The following FUT9 variants were observed in gnomAD, a reference collection of about 807,000 sequenced individuals.
FUT9 encodes 4-galactosyl-N-acetylglucosaminide 3-alpha-L-fucosyltransferase 9.
Under a neutral mutation model 29.7 loss-of-function variants are expected in FUT9, and 15 were observed. The observed-to-expected ratio is 0.51, with a 90% confidence interval of 0.34 to 0.78. FUT9 has a LOEUF of 0.78. Among genes scored for constraint, FUT9 ranks in the 30% least tolerant of loss-of-function variants. FUT9 has a pLI of 0.01. For missense variants in FUT9, 319 were observed against 425.4 expected (o/e 0.75, Z 2.20); for synonymous variants, 169 against 153.7 (o/e 1.10, Z -0.74).
intron 2 of FUT9, among the ~76,000 whole-genome samples, chr6:96,120,087 C>G (rs1771993352): frequency 6.6e-6 from 1 of 151,982 alleles, no homozygotes; most frequent in South Asian, 2.1e-4. Context: ...ATTATCAAAT[C>G]TATTTGAATT....
chr6:96,018,187 C>A lies in FUT9; in HGVS notation c.-98+1975C>A, dbSNP rs549366496. On this transcript the variant is annotated intron_variant, in intron 1 of 2. Coordinates refer to ENST00000302103, the MANE Select transcript of FUT9 (RefSeq NM_006581.4). ...GACTGAGAACATTCAAAGCTGTTCT[C>A]ATTTGGGTAACATTAGGGTGACTAC... is the stretch of plus-strand genomic sequence containing the variant. Among the ~76,000 whole-genome samples the A allele has an allele frequency of 6.7e-5, 10 of 150,368 alleles. No individual in the cohort carries two copies. In the South Asian group the frequency reaches 2.1e-3, roughly 31 times the overall value.
At chr6:96,149,170 A>AT (rs11403306) in intron 2 of FUT9, among the ~76,000 whole-genome samples, 132,156 of 150,138 alleles carry the variant, frequency 0.88, 59,896 homozygotes, top group Non-Finnish European at 0.98. Flanking sequence ...AAAAAAAAAA[A>AT]TTTTTTTTGA....
At chr6:96,112,740 A>T (rs1228656393) in intron 1 of FUT9, among the ~76,000 whole-genome samples, 1 of 152,212 alleles carries the variant, frequency 6.6e-6, no homozygotes, top group African/African-American at 2.4e-5. Context: ...TAAGTGTAAG[A>T]AGCCCCTTGG....
chr6:96,134,102 T>C (rs1562137557), intron 2 of FUT9, among the ~76,000 whole-genome samples: 2 of 151,772 alleles, frequency 1.3e-5, no homozygotes, highest in South Asian at 2.1e-4. Flanking sequence ...AGAAGATATG[T>C]GAACAAATAG....
chr6:96,055,766 A>C (rs1770754974), intron 1 of FUT9, among the ~76,000 whole-genome samples: 1 of 149,788 alleles, frequency 6.7e-6, no homozygotes, highest in Non-Finnish European at 1.5e-5. Flanking sequence ...GATAGTCTCA[A>C]ACTCCAGGCC....
intron 1 of FUT9, among the ~76,000 whole-genome samples, chr6:96,084,859 A>G (rs191716754): frequency 6.6e-6 from 1 of 152,146 alleles, no homozygotes; most frequent in Non-Finnish European, 1.5e-5. Flanking sequence ...CCCTGTTTAT[A>G]TATATAACCC....
chr6:96,183,020 T>C (rs1773338194), intron 2 of FUT9, among the ~76,000 whole-genome samples: 1 of 152,108 alleles, frequency 6.6e-6, no homozygotes, highest in African/African-American at 2.4e-5. Context: ...ATTTTTAAAT[T>C]GTTTTTGGCA....
chr6:96,084,655 G>C (rs1475984073), intron 1 of FUT9, among the ~76,000 whole-genome samples: 1 of 152,068 alleles, frequency 6.6e-6, no homozygotes, highest in Non-Finnish European at 1.5e-5. Context: ...AGCTGTATAT[G>C]AGCCATAAAA....
chr6:96,047,353 C>T (rs1423475797), intron 1 of FUT9, among the ~76,000 whole-genome samples: 1 of 152,160 alleles, frequency 6.6e-6, no homozygotes, highest in Non-Finnish European at 1.5e-5. Context: ...GCCTCTGCTT[C>T]TAGGTATACA....
chr6:96,088,689 A>C (rs1771362460), intron 1 of FUT9, among the ~76,000 whole-genome samples: 1 of 152,116 alleles, frequency 6.6e-6, no homozygotes, highest in South Asian at 2.1e-4. Context: ...AATTTCATAA[A>C]TTATAGTTTT....
intron 1 of FUT9, among the ~76,000 whole-genome samples, chr6:96,041,982 A>G (rs1436664108): frequency 2.0e-5 from 3 of 152,144 alleles, no homozygotes; most frequent in African/African-American, 7.2e-5. Context: ...TTTCTCCTGA[A>G]CTTTATCATC....
chr6:96,210,475 T>G lies in FUT9; in HGVS notation c.*6240T>G, dbSNP rs1773916892. The G allele has an allele frequency of 6.0e-6, 1 of 166,762 alleles. No individual in the cohort carries two copies. The allele number at this position is 166,762 out of a possible 1,614,324, so 10.3% of individuals were successfully genotyped here. A position where few individuals can be genotyped will look rare whatever the true frequency, so the allele number is the denominator to read the frequency against. ...CTCCAGAGAGCTGATCTATTTAGTT[T>G]GAGGAAGAGCCCAGAAGTCTAACAG... On this transcript the variant is annotated 3_prime_UTR_variant, in exon 3 of 3. Coordinates refer to ENST00000302103, the MANE Select transcript of FUT9 (RefSeq NM_006581.4).
intron 1 of FUT9, among the ~76,000 whole-genome samples, chr6:96,111,067 G>A (rs1771797602): frequency 6.6e-6 from 1 of 152,114 alleles, no homozygotes. Context: ...AACACTTAGT[G>A]AATCATCTTA....
chr6:96,044,452 T>TG (rs2127934755), intron 1 of FUT9, among the ~76,000 whole-genome samples: 1 of 148,812 alleles, frequency 6.7e-6, no homozygotes, highest in Non-Finnish European at 1.5e-5. Context: ...CCTGATAAAC[T>TG]AAAGTAAACA....
chr6:96,039,649 CA>C (rs1180498420), intron 1 of FUT9, among the ~76,000 whole-genome samples: 4 of 152,088 alleles, frequency 2.6e-5, no homozygotes, highest in African/African-American at 9.7e-5. Context: ...CATAAGTAGC[CA>C]AACCCGTACT....
At position 96,209,165 on chromosome 6, in the gene FUT9, T is replaced by C. The variant is rs1324211645; in HGVS notation, c.*4930T>C. On this transcript the variant is annotated 3_prime_UTR_variant, in exon 3 of 3. Transcript: ENST00000302103. ...TCTGGACCTTGTTTGTAAGCTTTCT[T>C]CTAGCACTATTACTCTTATCTAAGA... The C allele has an allele frequency of 1.2e-5, 2 of 166,890 alleles. No homozygotes were observed. Among genetic ancestry groups the C allele is most frequent in the Non-Finnish European group, 2.9e-5 (2 of 68,002 alleles). The allele number at this position is 166,890 out of a possible 1,614,324, so 10.3% of individuals were successfully genotyped here.
At position 96,208,691 on chromosome 6, in the gene FUT9, GATTAGAAAGGATTTGGATCACGTTA is replaced by G. The variant is rs1385259560; in HGVS notation, c.*4458_*4482del. 1 of 166,688 alleles carries G rather than the reference GATTAGAAAGGATTTGGATCACGTTA, an allele frequency of 6.0e-6. No homozygotes were observed. Among genetic ancestry groups the G allele is most frequent in the African/African-American group, 2.4e-5 (1 of 41,414 alleles). The allele number at this position is 166,688 out of a possible 1,614,324, so 10.3% of individuals were successfully genotyped here. A position where few individuals can be genotyped will look rare whatever the true frequency, so the allele number is the denominator to read the frequency against. On this transcript the variant is annotated 3_prime_UTR_variant, in exon 3 of 3. Coordinates refer to ENST00000302103, the MANE Select transcript of FUT9 (RefSeq NM_006581.4). ...TCAAAAGAAGTAACATCTCAAGAAAGATTAGAAAGGATTTGGATCACGTTAACATTCTATGCAAATATTAGTAACA... is the reference window on the plus strand; with the variant it reads ...TCAAAAGAAGTAACATCTCAAGAAAGACATTCTATGCAAATATTAGTAACA...
chr6:96,140,976 A>C lies in FUT9; in HGVS notation c.-9+26849A>C, dbSNP rs182653741. 1.9e-3 allele frequency among the ~76,000 whole-genome samples: 290 copies of C among 152,362 alleles called. 2 individuals are homozygous for C. Among genetic ancestry groups the C allele is most frequent in the African/African-American group, 6.7e-3 (278 of 41,598 alleles). ...ATATTGACCTTAGAACTAGGTAATA[A>C]TTAAAACAAACACTTCAGTTTCTGG... On this transcript the variant is annotated intron_variant, in intron 2 of 2. Transcript: ENST00000302103.
intron 1 of FUT9, among the ~76,000 whole-genome samples, chr6:96,103,911 G>A (rs772503110): frequency 2.0e-5 from 3 of 152,194 alleles, no homozygotes; most frequent in Non-Finnish European, 4.4e-5. Flanking sequence ...GGCAAATGAT[G>A]TATTTCCCAA....
Sources: gnomAD v4.1 joint callset for allele counts (sites outside exome capture counted in the v4.1 genomes callset) on GRCh38, gnomAD v4.1.1 for gene constraint, MANE v1.5 for transcripts, NCBI Gene and HGNC (gene_info 2026-07-23, HGNC 2026-07-21) for gene names.